Variants in BMAL1 observed in about 807,000 individuals in gnomAD.
The protein encoded by BMAL1 is basic helix-loop-helix ARNT-like protein 1.
chr11:13,347,331 T>C, the BMAL1 span, among the ~76,000 whole-genome samples: 1 of 152,084 alleles, frequency 6.6e-6, no homozygotes, highest in African/African-American at 2.4e-5. Flanking sequence ...CAGTGAGCTA[T>C]GATCACACCA....
At chr11:13,370,724 CCA>C in the BMAL1 span, among the ~76,000 whole-genome samples, 1 of 152,212 alleles carries the variant, frequency 6.6e-6, no homozygotes, top group Non-Finnish European at 1.5e-5. Flanking sequence ...CTCCCCACCC[CCA>C]ACACAGCAGC....
chr11:13,365,492 C>T, the BMAL1 span: 1 of 1,610,900 alleles, frequency 6.2e-7, no homozygotes, highest in Non-Finnish European at 8.5e-7. Flanking sequence ...TCCATTTCTC[C>T]TGATTAGGCA....
At chr11:13,320,547 T>C in the BMAL1 span, among the ~76,000 whole-genome samples, 3 of 152,324 alleles carry the variant, frequency 2.0e-5, no homozygotes, top group Middle Eastern at 3.4e-3. Context: ...TTCTACAAAG[T>C]AGGGACAGTA....
chr11:13,335,302 C>T, the BMAL1 span, among the ~76,000 whole-genome samples: 1 of 152,210 alleles, frequency 6.6e-6, no homozygotes, highest in South Asian at 2.1e-4. Context: ...TCTTCCTCCG[C>T]TGTCTATTCC....
At chr11:13,344,237 T>G in the BMAL1 span, among the ~76,000 whole-genome samples, 1 of 152,156 alleles carries the variant, frequency 6.6e-6, no homozygotes, top group Non-Finnish European at 1.5e-5. Flanking sequence ...AGCAAATCAT[T>G]TTTTCATCTG....
chr11:13,386,317 T>A, the BMAL1 span, among the ~76,000 whole-genome samples: 2 of 152,178 alleles, frequency 1.3e-5, no homozygotes, highest in African/African-American at 4.8e-5. Flanking sequence ...TTTACTAAAT[T>A]TTAAGCGCTT....
the BMAL1 span, among the ~76,000 whole-genome samples, chr11:13,289,167 A>G: frequency 2.0e-5 from 3 of 152,200 alleles, no homozygotes; most frequent in Admixed American, 6.5e-5. Flanking sequence ...AGCTAAGGAA[A>G]GAATAGGCAT....
At chr11:13,318,487 A>T in the BMAL1 span, among the ~76,000 whole-genome samples, 1 of 151,626 alleles carries the variant, frequency 6.6e-6, no homozygotes, top group Non-Finnish European at 1.5e-5. Context: ...CAATCAAGTG[A>T]ACTGCTTTAA....
the BMAL1 span, among the ~76,000 whole-genome samples, chr11:13,332,073 C>T: frequency 6.6e-6 from 1 of 152,080 alleles, no homozygotes; most frequent in East Asian, 1.9e-4. Context: ...AGACAACCAA[C>T]CAGAGAGTAA....
the BMAL1 span, among the ~76,000 whole-genome samples, chr11:13,361,148 A>G: frequency 6.6e-6 from 1 of 152,152 alleles, no homozygotes; most frequent in Non-Finnish European, 1.5e-5. Flanking sequence ...AAAAAAGAAA[A>G]ATAAATGCAA....
chr11:13,280,382 A>G, the BMAL1 span, among the ~76,000 whole-genome samples: 2 of 152,260 alleles, frequency 1.3e-5, no homozygotes, highest in Non-Finnish European at 1.5e-5. Flanking sequence ...GAGAAGCACC[A>G]TAGAAAGATT....
At chr11:13,358,705 TCAG>T in the BMAL1 span, 1 of 1,146,310 alleles carries the variant, frequency 8.7e-7, no homozygotes, top group Non-Finnish European at 1.2e-6. Flanking sequence ...TATGTAGCCT[TCAG>T]TAGTATGCCT....
At chr11:13,330,879 G>A in the BMAL1 span, among the ~76,000 whole-genome samples, 28 of 152,332 alleles carry the variant, frequency 1.8e-4, no homozygotes, top group East Asian at 3.9e-3. Context: ...TATTGCTCAC[G>A]TAGTCATGAA....
chr11:13,324,816 A>G, the BMAL1 span, among the ~76,000 whole-genome samples: 1 of 152,204 alleles, frequency 6.6e-6, no homozygotes, highest in Non-Finnish European at 1.5e-5. Context: ...GCAAGCGAAG[A>G]CTTTGGAGTT....
the BMAL1 span, among the ~76,000 whole-genome samples, chr11:13,298,229 C>G: frequency 3.9e-5 from 6 of 152,218 alleles, no homozygotes; most frequent in Non-Finnish European, 8.8e-5. Flanking sequence ...CTCTCTAGCT[C>G]CACTCCAGCC....
At chr11:13,321,540 A>C in the BMAL1 span, among the ~76,000 whole-genome samples, 1 of 152,102 alleles carries the variant, frequency 6.6e-6, no homozygotes, top group African/African-American at 2.4e-5. Flanking sequence ...GGTCCTGCTC[A>C]TAGTAGGTGG....
the BMAL1 span, among the ~76,000 whole-genome samples, chr11:13,344,762 C>A: frequency 6.6e-6 from 1 of 152,308 alleles, no homozygotes; most frequent in South Asian, 2.1e-4. Context: ...AGAGGCACCA[C>A]CCTCTGAACA....
the BMAL1 span, chr11:13,354,190 T>TTC: frequency 6.2e-6 from 3 of 487,472 alleles, no homozygotes; most frequent in Non-Finnish European, 1.1e-5. Context: ...GCCCCGGGTC[T>TTC]CCCCCCCCGG....
chr11:13,330,520 C>T, the BMAL1 span, among the ~76,000 whole-genome samples: 1 of 152,262 alleles, frequency 6.6e-6, no homozygotes, highest in Non-Finnish European at 1.5e-5. Context: ...CATCGGCCTG[C>T]AGCCACATTT....
Sources: allele counts gnomAD v4.1 joint callset (sites outside exome capture counted in the v4.1 genomes callset), GRCh38; gene constraint gnomAD v4.1.1; transcripts MANE v1.5; gene names NCBI Gene and HGNC (gene_info 2026-07-23, HGNC 2026-07-21).